The following COL10A1 variants were observed in gnomAD, a reference collection of about 807,000 sequenced individuals.
COL10A1 encodes collagen alpha-1(X) chain.
COL10A1 carries 10 observed loss-of-function variants against 18.2 expected under a neutral mutation model. The ratio of observed to expected loss-of-function variants is 0.55; its 90% CI spans 0.34 to 0.93. The LOEUF (loss-of-function observed/expected upper bound fraction) is 0.93, where lower values mean the gene tolerates loss of function less well. Ranked by LOEUF, COL10A1 falls within the 40% of genes least tolerant of loss-of-function variation. The probability of loss-of-function intolerance (pLI) is 0.02; values close to 1 mark genes in which losing one functional copy is unlikely to be tolerated. For synonymous variants in COL10A1, 330 were observed against 316.6 expected (o/e 1.04, Z -0.45); for missense variants, 897 against 853.5 (o/e 1.05, Z -0.64).
At chr6:116,155,628 A>C (rs1780170082) in intron 1 of COL10A1, among the ~76,000 whole-genome samples, 1 of 152,076 alleles carries the variant, frequency 6.6e-6, no homozygotes, top group Admixed American at 6.6e-5. Flanking sequence ...CATATGAGTG[A>C]GGTTACTCCA....
chr6:116,122,792 TAGGAAAATAATTGTTTCAGA>T lies in COL10A1; in HGVS notation c.155-851_155-832del, dbSNP rs1230036598. 3.9e-5 allele frequency among the ~76,000 whole-genome samples: 6 copies of T among 152,144 alleles called. No homozygotes were observed. In the East Asian group the frequency reaches 1.2e-3, roughly 29 times the overall value. On this transcript the variant is annotated intron_variant, in intron 2 of 2. Coordinates refer to ENST00000651968, the MANE Select transcript of COL10A1 (RefSeq NM_000493.4). The stretch of plus-strand genomic sequence containing the variant: ...AATCATTAAAATAGATATGCCGAAA[TAGGAAAATAATTGTTTCAGA>T]TTTAGATTTTTTTTTACTAATTAGA...
At chr6:116,137,286 C>T (rs1286837026) in intron 1 of COL10A1, 1 of 156,814 alleles carries the variant, frequency 6.4e-6, no homozygotes, top group East Asian at 1.7e-4. Context: ...CTGCTGTGCT[C>T]CAGGTTTTAT....
the COL10A1 span, among the ~76,000 whole-genome samples, chr6:116,215,219 T>C: frequency 6.6e-6 from 1 of 152,186 alleles, no homozygotes; most frequent in African/African-American, 2.4e-5. Flanking sequence ...GGAGGACACA[T>C]GCTTCTTACC....
the COL10A1 span, among the ~76,000 whole-genome samples, chr6:116,178,497 C>T: frequency 6.6e-6 from 1 of 152,164 alleles, no homozygotes; most frequent in African/African-American, 2.4e-5. Context: ...GAGATTACTG[C>T]AATGAAGCAG....
the COL10A1 span, among the ~76,000 whole-genome samples, chr6:116,186,254 G>GT: frequency 6.6e-6 from 1 of 151,612 alleles, no homozygotes; most frequent in African/African-American, 2.4e-5. Context: ...AATCTGATAG[G>GT]TTTTCCTTTA....
At chr6:116,175,053 T>C in the COL10A1 span, among the ~76,000 whole-genome samples, 12 of 152,330 alleles carry the variant, frequency 7.9e-5, no homozygotes, top group African/African-American at 2.9e-4. Context: ...TTTTAAAAAT[T>C]AAGGAATTAG....
At chr6:116,198,380 C>T in the COL10A1 span, among the ~76,000 whole-genome samples, 3 of 152,006 alleles carry the variant, frequency 2.0e-5, no homozygotes, top group African/African-American at 7.2e-5. Context: ...TCATGCCCTG[C>T]TTGACTCAAG....
chr6:116,125,554 A>AT, intron 1 of COL10A1, 47 bp from the exon 2 acceptor site: 6 of 1,551,778 alleles, frequency 3.9e-6, no homozygotes, highest in Non-Finnish European at 4.4e-6. Flanking sequence ...TTATTAACCT[A>AT]TTTTTTTATT....
At chr6:116,124,987 A>AT (rs1449435554) in intron 2 of COL10A1, among the ~76,000 whole-genome samples, 2 of 152,184 alleles carry the variant, frequency 1.3e-5, no homozygotes, top group South Asian at 2.1e-4. Context: ...ATTGGCAGTT[A>AT]TTTTTAGCTT....
At chr6:116,169,968 C>A in the COL10A1 span, among the ~76,000 whole-genome samples, 1 of 152,110 alleles carries the variant, frequency 6.6e-6, no homozygotes, top group East Asian at 1.9e-4. Context: ...TTTCCTAGAA[C>A]TAACAAAGAG....
At position 116,120,430 on chromosome 6, in the gene COL10A1, G is replaced by T; in HGVS notation, c.1686C>A (p.Tyr562Ter). 6.2e-7 allele frequency: 1 copy of T among 1,614,232 alleles called. No homozygotes were observed. The highest frequency in any genetic ancestry group is 8.5e-7 in the Non-Finnish European group (1 of 1,180,044). ...SAFTVILSKA[Y>*]PAIGTPIPFD... Reference sequence around the variant, plus strand: ...ATGGTATGGGAGTTCCTATTGCTGGGTAAGCTTTGGAGAGAATAACAGTAA... The same window carrying T: ...ATGGTATGGGAGTTCCTATTGCTGGTTAAGCTTTGGAGAGAATAACAGTAA... The change falls in exon 3 of 3, where the codon TAC becomes TAA. Residue 562 changes from tyrosine (Y) to a stop codon, truncating the protein, a stop_gained. Coordinates refer to ENST00000651968, the MANE Select transcript of COL10A1 (RefSeq NM_000493.4). LOFTEE classifies it high-confidence loss of function.
rs960008771 is a variant in COL10A1 at position 116,120,574 on chromosome 6, G to T, written c.1542C>A (p.Gly514=). The T allele has an allele frequency of 6.2e-7, 1 of 1,601,656 alleles. No homozygotes were observed. ...CAGGCATGACTGCTTGACCTGGTGG[G>T]CCTGGAGGCCCAGGGGGCCCTGGAA... ...PGLPGPPGPP[G]PPGQAVMPEG... Residue 514 remains glycine, a synonymous_variant, in exon 3 of 3, where the codon GGC becomes GGA. Transcript: ENST00000651968.
chr6:116,173,773 C>T, the COL10A1 span, among the ~76,000 whole-genome samples: 1 of 152,108 alleles, frequency 6.6e-6, no homozygotes, highest in Non-Finnish European at 1.5e-5. Context: ...CTGAATATCA[C>T]CCTAATGTTC....
At chr6:116,131,807 T>C (rs575606320) in intron 1 of COL10A1, among the ~76,000 whole-genome samples, 2 of 152,290 alleles carry the variant, frequency 1.3e-5, no homozygotes, top group South Asian at 4.1e-4. Flanking sequence ...TTATTTTTCC[T>C]AATCCTCTTC....
chr6:116,120,554 A>G lies in COL10A1; in HGVS notation c.1562T>C (p.Met521Thr). 6.2e-7 allele frequency: 1 copy of G among 1,612,658 alleles called. No individual in the cohort carries two copies. Among genetic ancestry groups the G allele is most frequent in the South Asian group, 1.1e-5 (1 of 91,010 alleles). ...GPPGPPGQAV[M>T]PEGFIKAGQR... Reference sequence around the variant, plus strand: ...GCCTGCCTTTATAAAACCCTCAGGCATGACTGCTTGACCTGGTGGGCCTGG... The same window carrying G: ...GCCTGCCTTTATAAAACCCTCAGGCGTGACTGCTTGACCTGGTGGGCCTGG... The change falls in exon 3 of 3, where the codon ATG becomes ACG. Residue 521 changes from methionine to threonine, a missense_variant. Coordinates refer to ENST00000651968, the MANE Select transcript of COL10A1 (RefSeq NM_000493.4).
intron 1 of COL10A1, among the ~76,000 whole-genome samples, chr6:116,144,453 G>A (rs1470063390): frequency 8.9e-6 from 1 of 112,056 alleles, no homozygotes; most frequent in African/African-American, 2.6e-5. Flanking sequence ...GTGAGCTGAT[G>A]TTGTGCCACT....
At chr6:116,123,243 C>G (rs569796237) in intron 2 of COL10A1, among the ~76,000 whole-genome samples, 7 of 152,072 alleles carry the variant, frequency 4.6e-5, no homozygotes, top group Non-Finnish European at 8.8e-5. Flanking sequence ...GGGCGTCATC[C>G]GAGACTGGAA....
At chr6:116,192,523 G>A in the COL10A1 span, among the ~76,000 whole-genome samples, 1 of 151,970 alleles carries the variant, frequency 6.6e-6, no homozygotes, top group African/African-American at 2.4e-5. Context: ...CTGTGTTTCT[G>A]TTAAGTAGGT....
the COL10A1 span, among the ~76,000 whole-genome samples, chr6:116,197,132 C>T: frequency 7.2e-5 from 11 of 151,820 alleles, no homozygotes; most frequent in Non-Finnish European, 1.5e-4. Flanking sequence ...TTGTAGTGGG[C>T]CAGCTGCCCT....
Sources: gnomAD v4.1 joint callset for allele counts (sites outside exome capture counted in the v4.1 genomes callset) on GRCh38, gnomAD v4.1.1 for gene constraint, MANE v1.5 for transcripts, NCBI Gene and HGNC (gene_info 2026-07-23, HGNC 2026-07-21) for gene names.